The following LRRC9 variants were observed in gnomAD, a reference collection of about 807,000 sequenced individuals.
The protein encoded by LRRC9 is leucine-rich repeat-containing protein 9.
LRRC9 carries 122 observed loss-of-function variants against 63.2 expected under a neutral mutation model. The ratio of observed to expected loss-of-function variants is 1.93; its 90% CI spans 1.67 to 2.24. LRRC9 has a LOEUF of 2.24. Among genes scored for constraint, LRRC9 ranks in the 30% most tolerant of loss-of-function variants. The probability of loss-of-function intolerance (pLI) is 0.00; values close to 1 mark genes in which losing one functional copy is unlikely to be tolerated. For missense variants in LRRC9, 1,071 were observed against 627.7 expected (o/e 1.71, Z -7.55); for synonymous variants, 366 against 213.1 (o/e 1.72, Z -6.25).
intron 17 of LRRC9, among the ~76,000 whole-genome samples, chr14:59,995,705 C>G (rs1290019790): frequency 1.3e-5 from 2 of 148,854 alleles, no homozygotes; most frequent in African/African-American, 4.9e-5. Flanking sequence ...CCCCTGTTTT[C>G]AAGGGGTGGA....
exon 14 of LRRC9, chr14:59,977,299 A>G (rs1886395971): frequency 2.9e-6 from 2 of 700,726 alleles, no homozygotes; most frequent in Non-Finnish European, 2.6e-6. Context: ...CAGTCAATCC[A>G]ACTATCCAAT....
intron 30 of LRRC9, among the ~76,000 whole-genome samples, chr14:60,057,371 G>T (rs1319203261): frequency 1.3e-5 from 2 of 152,014 alleles, no homozygotes; most frequent in Non-Finnish European, 2.9e-5. Flanking sequence ...CACTAAAATT[G>T]ATTATTATAA....
At chr14:60,020,935 A>G (rs893588715) in intron 26 of LRRC9, among the ~76,000 whole-genome samples, 114 of 151,914 alleles carry the variant, frequency 7.5e-4, no homozygotes, top group African/African-American at 2.5e-3. Flanking sequence ...TTTGACTAAC[A>G]CTGCTTTAAA....
intron 23 of LRRC9, among the ~76,000 whole-genome samples, chr14:60,011,425 A>G (rs1047434296): frequency 2.6e-5 from 4 of 152,236 alleles, no homozygotes; most frequent in East Asian, 3.8e-4. Context: ...GAGCCAATCC[A>G]TATCAATGAG....
intron 6 of LRRC9, among the ~76,000 whole-genome samples, chr14:59,935,086 G>A (rs1221696793): frequency 1.4e-5 from 2 of 147,234 alleles, no homozygotes; most frequent in Non-Finnish European, 3.0e-5. Flanking sequence ...AGGAGTTTGA[G>A]ACCAGCCTGG....
At chr14:59,977,411 AC>A in intron 14 of LRRC9, 64 bp downstream of exon 14, 2 of 549,826 alleles carry the variant, frequency 3.6e-6, no homozygotes, top group South Asian at 5.1e-5. Context: ...TGTGTTTAAT[AC>A]GGATACTCAC....
chr14:59,980,018 C>A (rs189350687), intron 15 of LRRC9, among the ~76,000 whole-genome samples: 1 of 152,096 alleles, frequency 6.6e-6, no homozygotes, highest in East Asian at 1.9e-4. Context: ...TTGTAATTCA[C>A]AAGTTAATTT....
chr14:59,943,338 A>G lies in LRRC9; in HGVS notation c.727-1251A>G, dbSNP rs892000543. The stretch of plus-strand genomic sequence containing the variant: ...TTGATTTTTGTATATGTTGAGAGAC[A>G]GGGGTCTAGTTTCATTCTTCTGTAT... On this transcript the variant is annotated intron_variant, in intron 7 of 31. Coordinates refer to ENST00000445360, the Ensembl canonical transcript of LRRC9. 3.0e-4 allele frequency among the ~76,000 whole-genome samples: 46 copies of G among 152,090 alleles called. 1 individual carries two copies. The highest frequency in any genetic ancestry group is 1.9e-3 in the Admixed American group (29 of 15,260).
intron 18 of LRRC9, among the ~76,000 whole-genome samples, chr14:59,998,155 G>T (rs1888995435): frequency 6.6e-6 from 1 of 151,944 alleles, no homozygotes; most frequent in South Asian, 2.1e-4. Context: ...AGTTCAGTGT[G>T]CCAGAACTCT....
At position 60,046,027 on chromosome 14, in the gene LRRC9, T is replaced by C. The variant is rs190611211; in HGVS notation, c.3991-7038T>C. Among the ~76,000 whole-genome samples, 12 of 152,260 alleles carry C rather than the reference T, an allele frequency of 7.9e-5. No individual in the cohort carries two copies. The South Asian group carries it at 8.3e-4, about 11-fold the overall frequency. On this transcript the variant is annotated intron_variant, in intron 29 of 31. Transcript: ENST00000445360. ...TGCATTTCTCTAATGATCAGTGATGTTGAGCTTTTTTTCATATGTTCATCA... is the reference window on the plus strand; with the variant it reads ...TGCATTTCTCTAATGATCAGTGATGCTGAGCTTTTTTTCATATGTTCATCA...
chr14:59,959,935 C>A (rs546101650), exon 9 of LRRC9: 7 of 699,992 alleles, frequency 1.0e-5, no homozygotes, highest in Non-Finnish European at 1.8e-5. Flanking sequence ...CACTGAAGAA[C>A]CAAGTCTTCA....
At chr14:59,999,328 CTAT>C in intron 19 of LRRC9, 102 bp downstream of exon 19, 1 of 499,410 alleles carries the variant, frequency 2.0e-6, no homozygotes, top group Non-Finnish European at 3.5e-6. Context: ...CCCTCTTAGC[CTAT>C]TAATAAAAAA....
rs887693312 is a variant in LRRC9 at position 59,931,660 on chromosome 14, T to G, written c.450T>G (p.Ala150=). ...AGAATTTAAAAGATCTCAACCTTGC[T>G]GGAAATCTAATAAATAGCATTGGTA... The change falls in exon 5 of 32, where the codon GCT becomes GCG. Residue 150 remains alanine (A), a synonymous_variant. Transcript: ENST00000445360. 3 of 699,110 alleles carry G rather than the reference T, an allele frequency of 4.3e-6. No individual in the cohort carries two copies. In the African/African-American group the frequency reaches 5.3e-5, roughly 12 times the overall value. The allele number at this position is 699,110 out of a possible 1,614,324, so 43.3% of individuals were successfully genotyped here.
intron 6 of LRRC9, among the ~76,000 whole-genome samples, chr14:59,934,737 C>G (rs1381842505): frequency 1.3e-5 from 2 of 152,134 alleles, no homozygotes; most frequent in Non-Finnish European, 2.9e-5. Context: ...ATCTTTAAAT[C>G]ATACTTACTA....
chr14:59,967,679 C>T (rs1884999884), intron 12 of LRRC9, among the ~76,000 whole-genome samples: 1 of 152,166 alleles, frequency 6.6e-6, no homozygotes, highest in Admixed American at 6.5e-5. Context: ...ACTTCTGATG[C>T]CCCAAGTATC....
downstream of LRRC9, among the ~76,000 whole-genome samples, chr14:60,064,938 A>G (rs960092492): frequency 6.6e-6 from 1 of 152,260 alleles, no homozygotes; most frequent in Non-Finnish European, 1.5e-5. Context: ...CAGAAAAAAC[A>G]TAACTTACAC....
At chr14:60,049,282 T>C (rs147051813) in intron 29 of LRRC9, among the ~76,000 whole-genome samples, 1 of 152,330 alleles carries the variant, frequency 6.6e-6, no homozygotes, top group East Asian at 1.9e-4. Context: ...TATGTGTGAA[T>C]TTGATTCTGT....
chr14:60,063,442 TAA>T (rs60032242), exon 32 of LRRC9: 32,486 of 561,980 alleles, frequency 0.058, no homozygotes, highest in South Asian at 0.078. Flanking sequence ...AGTGGTCAGT[TAA>T]AAAAAAAAAA....
chr14:59,992,000 A>G (rs367877522), intron 17 of LRRC9, among the ~76,000 whole-genome samples: 9 of 152,184 alleles, frequency 5.9e-5, no homozygotes, highest in Admixed American at 5.9e-4. Flanking sequence ...ATCTGAGAAC[A>G]GACAGACTGC....
Sources: allele counts gnomAD v4.1 joint callset (sites outside exome capture counted in the v4.1 genomes callset), GRCh38; gene constraint gnomAD v4.1.1; transcripts MANE v1.5; gene names NCBI Gene and HGNC (gene_info 2026-07-23, HGNC 2026-07-21).